The following GSDMC variants were observed in gnomAD, a reference collection of about 807,000 sequenced individuals.
GSDMC encodes gasdermin C.
In GSDMC, 59 loss-of-function variants were observed where a neutral mutation model predicts 58.0. The ratio of observed to expected loss-of-function variants is 1.02; its 90% confidence interval spans 0.82 to 1.26. The LOEUF is 1.26. Among genes scored for constraint, GSDMC ranks in the 50% most tolerant of loss-of-function variants. The pLI, the probability that GSDMC is intolerant of heterozygous loss-of-function variation, is 0.00. For missense variants in GSDMC, 659 were observed against 598.5 expected, an observed-to-expected ratio of 1.10 and a Z score of -1.06; for synonymous variants, 241 against 220.2, an observed-to-expected ratio of 1.09 and a Z score of -0.83.
rs1478901216 is a variant in GSDMC at position 129,752,801 on chromosome 8, C to G, written c.741G>C (p.Met247Ile). ...TFQDEYEISEMVGYCAARSEG... is the reference protein window; with the variant it reads ...TFQDEYEISEIVGYCAARSEG... ...CACTCCTCGCAGCACAGTAGCCTAC[C>G]ATTTCGGAAATTTCGTACTCTTGGG... The change falls in exon 7 of 14, where the codon ATG (methionine) becomes ATC (isoleucine). Residue 247 changes from methionine (M) to isoleucine (I), a missense_variant. Transcript: ENST00000276708. 1.2e-6 allele frequency: 2 copies of G among 1,614,124 alleles called. No homozygotes were observed. Among genetic ancestry groups the G allele is most frequent in the East Asian group, 2.2e-5 (1 of 44,868 alleles).
the GSDMC span, among the ~76,000 whole-genome samples, chr8:129,738,672 G>C: frequency 6.6e-6 from 1 of 152,142 alleles, no homozygotes; most frequent in Non-Finnish European, 1.5e-5. Flanking sequence ...GGGAGCAGGG[G>C]GAGGGATAGC....
chr8:129,765,594 TGAA>T (rs1490955435), intron 4 of GSDMC, 31 bp downstream of exon 4: 2 of 1,557,058 alleles, frequency 1.3e-6, no homozygotes, highest in South Asian at 1.1e-5. Flanking sequence ...TGTATTTTTT[TGAA>T]TTTCAATCCC....
At chr8:129,734,168 G>C in the GSDMC span, among the ~76,000 whole-genome samples, 2 of 152,144 alleles carry the variant, frequency 1.3e-5, no homozygotes, top group Non-Finnish European at 2.9e-5. Flanking sequence ...AGAAATATGG[G>C]ACTATGTGAA....
At position 129,748,693 on chromosome 8, in the gene GSDMC, G is replaced by A. The variant is rs116452429; in HGVS notation, c.1335C>T (p.Pro445=). ...CGAGGAGCTCAGGTTTGAGGGTGAAGGGAATGCTCCAGGGGTATCTGAAGT... is the reference window on the plus strand; with the variant it reads ...CGAGGAGCTCAGGTTTGAGGGTGAAAGGAATGCTCCAGGGGTATCTGAAGT... ...EPNFRYPWSI[P]FTLKPELLAP... is the part of the protein sequence containing the mutation. The change falls in exon 14 of 14, where the codon CCC becomes CCT. Residue 445 remains proline, a synonymous_variant. Coordinates refer to ENST00000276708, the MANE Select transcript of GSDMC (RefSeq NM_031415.3). 2.5e-6 allele frequency: 4 copies of A among 1,598,786 alleles called. No individual in the cohort carries two copies. The African/African-American group carries it at 4.0e-5, about 16-fold the overall frequency.
At chr8:129,753,728 C>T (rs2033317627) in intron 6 of GSDMC, among the ~76,000 whole-genome samples, 1 of 152,214 alleles carries the variant, frequency 6.6e-6, no homozygotes, top group Non-Finnish European at 1.5e-5. Context: ...GGGTCTTCAA[C>T]AGCATTTCTG....
intron 6 of GSDMC, among the ~76,000 whole-genome samples, chr8:129,758,976 A>G (rs2033550970): frequency 6.6e-6 from 1 of 152,190 alleles, no homozygotes; most frequent in Non-Finnish European, 1.5e-5. Flanking sequence ...CTGCAGAGCT[A>G]TAGTAACCAA....
Position 129,752,796 on chromosome 8 carries a change from C to T in GSDMC, c.746G>A (p.Gly249Asp). 6.2e-7 allele frequency: 1 copy of T among 1,614,130 alleles called. No homozygotes were observed. Among genetic ancestry groups the T allele is most frequent in the Non-Finnish European group, 8.5e-7 (1 of 1,180,016 alleles). Residue 249 changes from glycine (G) to aspartate (D), a missense_variant, in exon 7 of 14, where the codon GGC becomes GAC. Gly to Asp is a moderately conservative substitution (Grantham distance 94). Coordinates refer to ENST00000276708, the MANE Select transcript of GSDMC (RefSeq NM_031415.3). The part of the protein sequence containing the change: ...QDEYEISEMV[G>D]YCAARSEGLL... ...CCCCTCACTCCTCGCAGCACAGTAG[C>T]CTACCATTTCGGAAATTTCGTACTC...
chr8:129,718,975 C>G, the GSDMC span, among the ~76,000 whole-genome samples: 2 of 152,022 alleles, frequency 1.3e-5, no homozygotes, highest in Non-Finnish European at 2.9e-5. Context: ...TAAGTGGGAG[C>G]TGAACAATGA....
chr8:129,733,796 A>G, the GSDMC span, among the ~76,000 whole-genome samples: 1 of 145,892 alleles, frequency 6.9e-6, no homozygotes, highest in Non-Finnish European at 1.5e-5. Flanking sequence ...GAGGACCAGC[A>G]ATGAAACAAA....
chr8:129,723,240 G>A, the GSDMC span, among the ~76,000 whole-genome samples: 2 of 149,306 alleles, frequency 1.3e-5, no homozygotes, highest in Middle Eastern at 3.5e-3. Flanking sequence ...CAGTTTTTTT[G>A]TTTCTGTTTT....
the GSDMC span, among the ~76,000 whole-genome samples, chr8:129,742,643 T>C: frequency 2.0e-5 from 3 of 152,166 alleles, no homozygotes; most frequent in African/African-American, 7.2e-5. Context: ...TGTTCTTGGG[T>C]TCCTCCTTCC....
rs1206126466 is a variant in GSDMC, at chr8:129,765,705, T to A, written c.493A>T (p.Ile165Phe). ...LYVVTEAVELINNTVLYDSSS... is the reference protein window; with the variant it reads ...LYVVTEAVELFNNTVLYDSSS... Reference sequence around the variant, plus strand: ...CTATCGTACAGCACAGTATTGTTGATCAGTTCAACAGCCTCTGTCACCACG... The same window carrying A: ...CTATCGTACAGCACAGTATTGTTGAACAGTTCAACAGCCTCTGTCACCACG... Residue 165 changes from isoleucine to phenylalanine, a missense_variant, in exon 4 of 14, where the codon ATC becomes TTC. Coordinates refer to ENST00000276708, the MANE Select transcript of GSDMC (RefSeq NM_031415.3). The A allele has an allele frequency of 6.2e-7, 1 of 1,609,250 alleles. No homozygotes were observed. The highest frequency in any genetic ancestry group is 1.3e-5 in the African/African-American group (1 of 74,814).
the GSDMC span, among the ~76,000 whole-genome samples, chr8:129,714,382 C>G: frequency 2.0e-5 from 3 of 152,212 alleles, no homozygotes; most frequent in Admixed American, 6.5e-5. Flanking sequence ...TATTAATTCA[C>G]TCATTCATTC....
the GSDMC span, among the ~76,000 whole-genome samples, chr8:129,731,048 A>G: frequency 3.3e-5 from 5 of 152,264 alleles, no homozygotes; most frequent in East Asian, 1.9e-4. Flanking sequence ...TGGTAGAAAT[A>G]TGACAGTAAA....
intron 1 of GSDMC, among the ~76,000 whole-genome samples, chr8:129,782,506 A>G (rs2034443572): frequency 6.6e-6 from 1 of 151,706 alleles, no homozygotes; most frequent in African/African-American, 2.4e-5. Context: ...AATAAATAAA[A>G]TCACAGATGA....
Position 129,748,668 on chromosome 8 carries a change from C to A in GSDMC, c.1360G>T (p.Ala454Ser). Reference protein sequence around the residue: ...IPFTLKPELLAPLQSEGLAIT... With the variant: ...IPFTLKPELLSPLQSEGLAIT... ...GCCAAACCCTCACTCTGGAGTGGGG[C>A]GAGGAGCTCAGGTTTGAGGGTGAAG... The change falls in exon 14 of 14, where the codon GCC becomes TCC. Residue 454 changes from alanine (A) to serine (S), a missense_variant. Transcript: ENST00000276708. 6.2e-7 allele frequency: 1 copy of A among 1,608,262 alleles called. No individual in the cohort carries two copies. Among genetic ancestry groups the A allele is most frequent in the South Asian group, 1.1e-5 (1 of 90,002 alleles).
chr8:129,739,543 G>A, the GSDMC span, among the ~76,000 whole-genome samples: 1 of 152,092 alleles, frequency 6.6e-6, no homozygotes, highest in Non-Finnish European at 1.5e-5. Context: ...ACAATGACAG[G>A]CCACACGTAT....
chr8:129,747,406 T>C (rs2032988651), downstream of GSDMC, among the ~76,000 whole-genome samples: 1 of 152,164 alleles, frequency 6.6e-6, no homozygotes, highest in African/African-American at 2.4e-5. Flanking sequence ...TCTTGCCTTT[T>C]TTAGCAGAAA....
At chr8:129,745,179 C>T (rs1346542640), downstream of GSDMC, among the ~76,000 whole-genome samples, 1 of 152,212 alleles carries the variant, frequency 6.6e-6, no homozygotes, top group African/African-American at 2.4e-5. Context: ...CTCAGTTCTC[C>T]TCTCAATCTA....
Sources: allele counts gnomAD v4.1 joint callset (sites outside exome capture counted in the v4.1 genomes callset), GRCh38; gene constraint gnomAD v4.1.1; transcripts MANE v1.5; gene names NCBI Gene and HGNC (gene_info 2026-07-23, HGNC 2026-07-21).